MGRN1: variants seen among roughly 807,000 people sequenced by gnomAD.
MGRN1 encodes mahogunin ring finger 1, also known as E3 ubiquitin-protein ligase MGRN1.
MGRN1 carries 29 observed loss-of-function variants against 69.2 expected under a neutral mutation model. That is an observed-to-expected ratio of 0.42 (90% CI 0.31 to 0.57). MGRN1 has a LOEUF of 0.57. Ranked by LOEUF, MGRN1 falls within the 20% of genes least tolerant of loss-of-function variation. The probability of loss-of-function intolerance (pLI) is 0.15; values close to 1 mark genes in which losing one functional copy is unlikely to be tolerated. For missense variants in MGRN1, 998 were observed against 796.2 expected (o/e 1.25, Z -3.05); for synonymous variants, 470 against 344.2 (o/e 1.37, Z -4.04).
intron 1 of MGRN1, among the ~76,000 whole-genome samples, chr16:4,639,145 G>A (rs1312636735): frequency 1.3e-5 from 2 of 152,226 alleles, no homozygotes; most frequent in African/African-American, 4.8e-5. Flanking sequence ...CCAGCTCTTA[G>A]GCATGGAGCG....
At chr16:4,674,606 T>TTTTTCTTTTC (rs1372733460) in intron 10 of MGRN1, among the ~76,000 whole-genome samples, 5 of 133,594 alleles carry the variant, frequency 3.7e-5, no homozygotes, top group African/African-American at 8.8e-5. Flanking sequence ...CTTTTCTTTT[T>TTTTTCTTTTC]TTTTCTTTTC....
At chr16:4,677,315 AG>A (rs1209422235) in intron 10 of MGRN1, 147 bp from the exon 11 acceptor site, 2 of 472,740 alleles carry the variant, frequency 4.2e-6, no homozygotes, top group Non-Finnish European at 7.3e-6. Context: ...TAAAACTAAA[AG>A]AAAAAAAAAA....
chr16:4,665,031 G>A (rs1008522731), intron 6 of MGRN1, 71 bp from the exon 7 acceptor site: 5 of 1,562,568 alleles, frequency 3.2e-6, no homozygotes, highest in African/African-American at 1.4e-5. Flanking sequence ...GGCCTACCAG[G>A]GTCGGGGAGG....
intron 5 of MGRN1, among the ~76,000 whole-genome samples, chr16:4,663,854 G>A (rs1053483868): frequency 6.6e-6 from 1 of 152,216 alleles, no homozygotes; most frequent in Admixed American, 6.5e-5. Flanking sequence ...GAAGAGGGTG[G>A]CCTTCAGCCT....
chr16:4,664,989 G>T (rs1180717730), intron 6 of MGRN1, 113 bp from the exon 7 acceptor site: 5 of 1,308,268 alleles, frequency 3.8e-6, no homozygotes, highest in Non-Finnish European at 4.4e-6. Context: ...GGACTCTATG[G>T]ACTCTGTGCA....
At chr16:4,667,759 C>T (rs1393805767) in intron 7 of MGRN1, among the ~76,000 whole-genome samples, 2 of 152,218 alleles carry the variant, frequency 1.3e-5, no homozygotes, top group Non-Finnish European at 2.9e-5. Flanking sequence ...GCCGGGTGTG[C>T]TTGTTCTATT....
chr16:4,679,271 T>G (rs188711559), intron 11 of MGRN1, among the ~76,000 whole-genome samples: 1 of 152,292 alleles, frequency 6.6e-6, no homozygotes, highest in African/African-American at 2.4e-5. Context: ...CCTCCCTGTT[T>G]GTGTTCTGGT....
chr16:4,666,306 T>A (rs956282468), intron 7 of MGRN1, among the ~76,000 whole-genome samples: 1 of 152,076 alleles, frequency 6.6e-6, no homozygotes, highest in South Asian at 2.1e-4. Flanking sequence ...CTTAAAAAAA[T>A]TTTTTTGTAG....
Position 4,624,888 on chromosome 16 carries a change from C to G in MGRN1, c.-73C>G. ...CCGTGCGGCCTGGTCCGGGCCATGT[C>G]CGCGTGAGGACCCCGCCGCTGTCGC... On this transcript the variant is annotated 5_prime_UTR_variant, in exon 1 of 17. Coordinates refer to ENST00000262370, the MANE Select transcript of MGRN1 (RefSeq NM_015246.4). 3 of 1,345,262 alleles carry G rather than the reference C, an allele frequency of 2.2e-6. No homozygotes were observed. Among genetic ancestry groups the G allele is most frequent in the African/African-American group, 1.5e-5 (1 of 65,878 alleles). The allele number at this position is 1,345,262 out of a possible 1,614,324, so 83.3% of individuals were successfully genotyped here. A position where few individuals can be genotyped will look rare whatever the true frequency, so the allele number is the denominator to read the frequency against.
chr16:4,651,824 AG>A, intron 2 of MGRN1, 138 bp from the exon 3 acceptor site: 2 of 735,714 alleles, frequency 2.7e-6, no homozygotes, highest in South Asian at 3.2e-5. Context: ...AAATGAGAAC[AG>A]TGCACCCAGT....
chr16:4,688,973 G>A lies in MGRN1; in HGVS notation c.*65G>A. ...CAGACTTTGCCGAGGGGCTGCTCCG[G>A]ACCCCGTTGTGAGCCGGCCTCCTGT... is the stretch of plus-strand genomic sequence containing the variant. On this transcript the variant is annotated 3_prime_UTR_variant, in exon 17 of 17. Transcript: ENST00000262370. The A allele has an allele frequency of 6.8e-7, 1 of 1,475,944 alleles. No individual in the cohort carries two copies. The highest frequency in any genetic ancestry group is 1.4e-5 in the African/African-American group (1 of 71,330). 91.4% of individuals were successfully genotyped at this position (1,475,944 alleles called of 1,614,324 possible).
rs746070982 is a variant in MGRN1 at position 4,677,459 on chromosome 16, G to A, written c.956-4G>A. On this transcript the variant is annotated splice_region_variant and splice_polypyrimidine_tract_variant and intron_variant, in intron 10 of 16. Transcript: ENST00000262370. ...GCCTGATCTGAGCCCTCCTTCTGCC[G>A]CAGCTTTCCGGGCCCTCCTGCAGAT... The A allele has an allele frequency of 7.8e-6, 12 of 1,545,740 alleles. No homozygotes were observed. The highest frequency in any genetic ancestry group is 1.2e-5 in the South Asian group (1 of 85,366).
At chr16:4,642,782 G>A (rs986142353) in intron 1 of MGRN1, among the ~76,000 whole-genome samples, 1 of 150,586 alleles carries the variant, frequency 6.6e-6, no homozygotes, top group African/African-American at 2.5e-5. Flanking sequence ...AATTTTTAAC[G>A]CTTGAATTTT....
At chr16:4,661,007 G>A (rs938613787) in intron 5 of MGRN1, among the ~76,000 whole-genome samples, 1 of 151,782 alleles carries the variant, frequency 6.6e-6, no homozygotes, top group Admixed American at 6.6e-5. Context: ...TTTGAGACAG[G>A]GGCTCACTCT....
At chr16:4,677,609 AG>A in intron 11 of MGRN1, 37 bp downstream of exon 11, 1 of 1,580,138 alleles carries the variant, frequency 6.3e-7, no homozygotes, top group South Asian at 1.1e-5. Flanking sequence ...TGGGCGGGAG[AG>A]GGGCATGAGT....
chr16:4,666,272 G>A (rs1419249935), intron 7 of MGRN1, among the ~76,000 whole-genome samples: 1 of 152,086 alleles, frequency 6.6e-6, no homozygotes, highest in African/African-American at 2.4e-5. Flanking sequence ...GGGACTATAG[G>A]CATGCACCAC....
intron 8 of MGRN1, among the ~76,000 whole-genome samples, chr16:4,669,821 C>T (rs1052145792): frequency 6.6e-6 from 1 of 152,056 alleles, no homozygotes; most frequent in African/African-American, 2.4e-5. Context: ...CTGGGGTCAG[C>T]GATCCTGGGA....
intron 1 of MGRN1, 32 bp from the exon 2 acceptor site, chr16:4,650,333 A>G: frequency 6.5e-7 from 1 of 1,545,436 alleles, no homozygotes. Flanking sequence ...AAAAAAAAAA[A>G]AATCTATAAT....
chr16:4,653,219 ACC>A (rs1258873997), intron 4 of MGRN1, among the ~76,000 whole-genome samples: 3 of 152,148 alleles, frequency 2.0e-5, no homozygotes, highest in Non-Finnish European at 4.4e-5. Context: ...GGCTCACAGA[ACC>A]CAGGGAAACA....
Sources: gnomAD v4.1 joint callset for allele counts (sites outside exome capture counted in the v4.1 genomes callset) on GRCh38, gnomAD v4.1.1 for gene constraint, MANE v1.5 for transcripts, NCBI Gene and HGNC (gene_info 2026-07-23, HGNC 2026-07-21) for gene names.